Variants in CC2D1A observed in about 807,000 individuals in gnomAD.
CC2D1A encodes coiled-coil and C2 domain-containing protein 1A.
CC2D1A carries 68 observed loss-of-function variants against 123.8 expected under a neutral mutation model. That is an observed-to-expected ratio of 0.55 (90% CI 0.45 to 0.67). The LOEUF (loss-of-function observed/expected upper bound fraction) is 0.67, where lower values mean the gene tolerates loss of function less well. CC2D1A is among the 30% of genes least tolerant of loss of function. The pLI, the probability that CC2D1A is intolerant of heterozygous loss-of-function variation, is 0.00. For missense variants in CC2D1A, 1,185 were observed against 1,290.3 expected (o/e 0.92, Z 1.25); for synonymous variants, 477 against 528.0 (o/e 0.90, Z 1.32).
chr19:13,916,127 C>T (rs1209382128), intron 6 of CC2D1A, among the ~76,000 whole-genome samples: 7 of 152,116 alleles, frequency 4.6e-5, no homozygotes, highest in Non-Finnish European at 2.9e-5. Flanking sequence ...CGTGGTGGTG[C>T]ATGCTGGTAG....
chr19:13,913,052 T>C (rs947947212), intron 4 of CC2D1A, 116 bp from the exon 5 acceptor site: 23 of 1,108,206 alleles, frequency 2.1e-5, no homozygotes, highest in Non-Finnish European at 2.5e-5. Flanking sequence ...TCTGCCTCAC[T>C]GGGGCAGGGG....
At chr19:13,921,753 ACT>A (rs1971416702) in intron 14 of CC2D1A, among the ~76,000 whole-genome samples, 1 of 151,814 alleles carries the variant, frequency 6.6e-6, no homozygotes, top group African/African-American at 2.4e-5. Context: ...AAAAATCCAC[ACT>A]CTCTCTGGAC....
At chr19:13,928,063 C>G in intron 23 of CC2D1A, 33 bp downstream of exon 23, 1 of 1,613,046 alleles carries the variant, frequency 6.2e-7, no homozygotes, top group Non-Finnish European at 8.5e-7. Context: ...ATCAGCAACC[C>G]CAGGGAGGGA....
At position 13,926,962 on chromosome 19, in the gene CC2D1A, C is replaced by T; in HGVS notation, c.2126-16C>T. 1 of 1,613,584 alleles carries T rather than the reference C, an allele frequency of 6.2e-7. No homozygotes were observed. The highest frequency in any genetic ancestry group is 1.1e-5 in the South Asian group (1 of 91,070). On this transcript the variant is annotated splice_polypyrimidine_tract_variant and intron_variant, in intron 20 of 28. Transcript: ENST00000318003. Reference sequence around the variant, plus strand: ...CCTGACCCCACCCAACTTCCTCTCCCTCCTTCCTCCTGCAGAGTTCAAGGA... The same window carrying T: ...CCTGACCCCACCCAACTTCCTCTCCTTCCTTCCTCCTGCAGAGTTCAAGGA...
intron 12 of CC2D1A, 156 bp from the exon 13 acceptor site, chr19:13,920,400 GT>G: frequency 3.2e-6 from 2 of 624,044 alleles, no homozygotes; most frequent in South Asian, 1.9e-5. Flanking sequence ...AAAAAAAAAG[GT>G]GTTTGGGGCC....
In CC2D1A at chr19:13,929,367, T is replaced by C; in HGVS notation, c.2520-12T>C. On this transcript the variant is annotated splice_polypyrimidine_tract_variant and intron_variant, in intron 24 of 28. Coordinates refer to ENST00000318003, the MANE Select transcript of CC2D1A (RefSeq NM_017721.5). ...AATCTCTGCAGTCCCTTATCCTTCC[T>C]CCACCCCTTAGATCAGCCCGGCCCC... 1 of 1,613,356 alleles carries C rather than the reference T, an allele frequency of 6.2e-7. No individual in the cohort carries two copies. The highest frequency in any genetic ancestry group is 8.5e-7 in the Non-Finnish European group (1 of 1,179,804).
At chr19:13,927,606 G>C in intron 22 of CC2D1A, 1 of 456,634 alleles carries the variant, frequency 2.2e-6, no homozygotes, top group South Asian at 2.5e-5. Context: ...GTGAAACCCT[G>C]TTTCTACTAA....
rs113020904 is a variant in CC2D1A, at chr19:13,930,828, A to G, written c.*433A>G. 9.9e-3 allele frequency: 2,046 copies of G among 207,616 alleles called. 25 individuals are homozygous for G. The highest frequency in any genetic ancestry group is 0.035 in the African/African-American group (1,507 of 43,122). 12.9% of individuals were successfully genotyped at this position (207,616 alleles called of 1,614,324 possible). ...CTCCCCAGGGGCGTCGACCTGGCCC[A>G]GCTGGGTCCCCAGGGCCAGCACATG... On this transcript the variant is annotated 3_prime_UTR_variant, in exon 29 of 29. Transcript: ENST00000318003. This position sits in a 1 kb window ranked among gnomAD's most constrained non-coding sequence, Gnocchi z 6.8.
intron 17 of CC2D1A, among the ~76,000 whole-genome samples, chr19:13,924,281 C>T (rs1208740008): frequency 1.3e-5 from 2 of 152,136 alleles, no homozygotes; most frequent in African/African-American, 4.8e-5. Context: ...TGCCATTCTC[C>T]TGCCTCAGCC....
rs1338807596 is a variant in CC2D1A, at chr19:13,906,510, G to C, written c.60+9G>C. ...CCGCGGCCGCCCGCCAGGTGAGTTT[G>C]CGCCCCACGGCCCGACCTGGGGATC... On this transcript the variant is annotated intron_variant, in intron 1 of 28. Transcript: ENST00000318003. This position sits in a 1 kb window ranked among gnomAD's most constrained non-coding sequence, Gnocchi z 4.1. 6.8e-7 allele frequency: 1 copy of C among 1,479,394 alleles called. No homozygotes were observed. The highest frequency in any genetic ancestry group is 8.9e-7 in the Non-Finnish European group (1 of 1,118,794). 91.6% of individuals were successfully genotyped at this position (1,479,394 alleles called of 1,614,324 possible).
At chr19:13,920,063 A>G (rs1336265151) in intron 12 of CC2D1A, 112 bp downstream of exon 12, 3 of 1,117,888 alleles carry the variant, frequency 2.7e-6, no homozygotes, top group Non-Finnish European at 3.8e-6. Context: ...CCTGGGCCAC[A>G]CAGTGAGACC....
intron 14 of CC2D1A, among the ~76,000 whole-genome samples, chr19:13,922,407 C>T (rs955724449): frequency 1.3e-5 from 2 of 152,208 alleles, no homozygotes; most frequent in African/African-American, 4.8e-5. Context: ...CATGCAGTTC[C>T]CACTGCCTGA....
intron 2 of CC2D1A, among the ~76,000 whole-genome samples, chr19:13,912,028 TTTA>T (rs1971018232): frequency 6.6e-6 from 1 of 152,082 alleles, no homozygotes; most frequent in African/African-American, 2.4e-5. Flanking sequence ...TTTTTGTATT[TTTA>T]GTAGAGACAG....
chr19:13,913,300 A>T lies in CC2D1A; in HGVS notation c.511A>T (p.Lys171Ter). ...GATGCGGCGCTACGATCGGGGGCTT[A>T]AAGTAAGTGGGCAGAGGGCAGGGTA... ...AKMRRYDRGL[K>*]TLENLLASIR... The change falls in exon 5 of 29, where the codon AAA (lysine) becomes TAA (stop). Residue 171 changes from lysine to a stop codon, truncating the protein, a stop_gained and splice_region_variant. Transcript: ENST00000318003. LOFTEE classifies it high-confidence loss of function. The T allele has an allele frequency of 6.2e-7, 1 of 1,611,976 alleles. No individual in the cohort carries two copies. Among genetic ancestry groups the T allele is most frequent in the Non-Finnish European group, 8.5e-7 (1 of 1,178,890 alleles).
rs766511788 is a variant in CC2D1A, at chr19:13,919,058, C to T, written c.1149+16C>T. The T allele has an allele frequency of 7.5e-6, 12 of 1,601,132 alleles. No individual in the cohort carries two copies. The highest frequency in any genetic ancestry group is 1.7e-5 in the Admixed American group (1 of 59,148). ...CATCGTCAAGGTGCCCTGGGGGTTC[C>T]GGGGGAGGTGGGGCGAGTGGGCAGC... On this transcript the variant is annotated intron_variant, in intron 10 of 28. Transcript: ENST00000318003.
chr19:13,909,322 G>A (rs1365156716), intron 1 of CC2D1A, among the ~76,000 whole-genome samples: 1 of 151,938 alleles, frequency 6.6e-6, no homozygotes, highest in African/African-American at 2.4e-5. Context: ...GTTGCAGTGA[G>A]CTGAGACTGC....
At position 13,923,887 on chromosome 19, in the gene CC2D1A, A is replaced by G. The variant is rs1160323390; in HGVS notation, c.1940+76A>G. On this transcript the variant is annotated intron_variant, in intron 17 of 28. Coordinates refer to ENST00000318003, the MANE Select transcript of CC2D1A (RefSeq NM_017721.5). The surrounding 1 kb of genome is among the most constrained non-coding windows in gnomAD (Gnocchi z 5.3). Reference sequence around the variant, plus strand: ...GGCGGTGGGGCGGGTTGTGCTCCCCAGAAGCTGGCACAAGATTTACATCTG... The same window carrying G: ...GGCGGTGGGGCGGGTTGTGCTCCCCGGAAGCTGGCACAAGATTTACATCTG... The G allele has an allele frequency of 4.7e-6, 5 of 1,065,170 alleles. No homozygotes were observed. The highest frequency in any genetic ancestry group is 1.9e-5 in the Admixed American group (1 of 53,416). The allele number at this position is 1,065,170 out of a possible 1,614,324, so 66.0% of individuals were successfully genotyped here. A position where few individuals can be genotyped will look rare whatever the true frequency, so the allele number is the denominator to read the frequency against.
At chr19:13,924,115 C>G (rs1971508912) in intron 17 of CC2D1A, among the ~76,000 whole-genome samples, 1 of 152,148 alleles carries the variant, frequency 6.6e-6, no homozygotes, top group Non-Finnish European at 1.5e-5. Flanking sequence ...GGGTGTTAGT[C>G]TTGGTACTAT....
Position 13,906,606 on chromosome 19 carries a change from G to T in CC2D1A, c.60+105G>T. 4.6e-6 allele frequency: 3 copies of T among 648,830 alleles called. No individual in the cohort carries two copies. Among genetic ancestry groups the T allele is most frequent in the Non-Finnish European group, 7.3e-6 (3 of 413,070 alleles). 40.2% of individuals were successfully genotyped at this position (648,830 alleles called of 1,614,324 possible). A position where few individuals can be genotyped will look rare whatever the true frequency, so the allele number is the denominator to read the frequency against. On this transcript the variant is annotated intron_variant, in intron 1 of 28. Coordinates refer to ENST00000318003, the MANE Select transcript of CC2D1A (RefSeq NM_017721.5). This position sits in a 1 kb window ranked among gnomAD's most constrained non-coding sequence, Gnocchi z 4.1. Reference sequence around the variant, plus strand: ...GGGAAGCCCGATCTCCGCCCCACAGGTAAGCCCCGGTCCCCGCCTCCCCCC... The same window carrying T: ...GGGAAGCCCGATCTCCGCCCCACAGTTAAGCCCCGGTCCCCGCCTCCCCCC...
Sources: gnomAD v4.1 joint callset for allele counts (sites outside exome capture counted in the v4.1 genomes callset) on GRCh38, gnomAD v4.1.1 for gene constraint, Gnocchi (gnomAD v3.1) non-coding constraint, MANE v1.5 for transcripts, NCBI Gene and HGNC (gene_info 2026-07-23, HGNC 2026-07-21) for gene names.